DCAF8: variants seen among roughly 807,000 people sequenced by gnomAD.
The protein encoded by DCAF8 is DDB1- and CUL4-associated factor 8.
DCAF8 carries 20 observed loss-of-function variants against 68.0 expected under a neutral mutation model. The observed-to-expected ratio is 0.29, with a 90% CI of 0.21 to 0.43. The LOEUF (loss-of-function observed/expected upper bound fraction) is 0.43. DCAF8 is among the 20% of genes least tolerant of loss of function. The pLI, the probability that DCAF8 is intolerant of heterozygous loss-of-function variation, is 1.00. For missense variants in DCAF8, 460 were observed against 771.0 expected (o/e 0.60, Z 4.78); for synonymous variants, 230 against 276.9 (o/e 0.83, Z 1.68).
chr1:160,243,360 T>A (rs1053764991), intron 3 of DCAF8, among the ~76,000 whole-genome samples: 1 of 150,904 alleles, frequency 6.6e-6, no homozygotes, highest in Non-Finnish European at 1.5e-5. Context: ...AGGGGAAAGA[T>A]GTCCCACTCC....
chr1:160,224,022 A>G (rs1016840868), intron 10 of DCAF8, among the ~76,000 whole-genome samples: 1 of 152,096 alleles, frequency 6.6e-6, no homozygotes, highest in Admixed American at 6.6e-5. Context: ...AGTTACTACC[A>G]CCATTCCTCC....
chr1:160,255,614 T>C (rs1055539700), intron 2 of DCAF8, among the ~76,000 whole-genome samples: 1 of 152,132 alleles, frequency 6.6e-6, no homozygotes, highest in African/African-American at 2.4e-5. Context: ...GCTTTAATTA[T>C]TGTTTTTTTA....
At chr1:160,248,437 CTG>C (rs1392280016) in intron 2 of DCAF8, among the ~76,000 whole-genome samples, 1 of 152,060 alleles carries the variant, frequency 6.6e-6, no homozygotes, top group Non-Finnish European at 1.5e-5. Flanking sequence ...TCCTTTAAAA[CTG>C]TCGCAACAGG....
intron 1 of DCAF8, chr1:160,261,920 A>C (rs1417199167): frequency 6.2e-6 from 1 of 160,084 alleles, no homozygotes; most frequent in East Asian, 1.8e-4. Context: ...CCTTCCGTAC[A>C]AGGTGCTGGG....
At chr1:160,258,835 T>C (rs923658443) in intron 2 of DCAF8, among the ~76,000 whole-genome samples, 3 of 152,216 alleles carry the variant, frequency 2.0e-5, no homozygotes, top group African/African-American at 4.8e-5. Flanking sequence ...CATATAGATG[T>C]CACCTGGACA....
At chr1:160,224,389 G>T in intron 10 of DCAF8, 53 bp downstream of exon 10, 1 of 1,365,862 alleles carries the variant, frequency 7.3e-7, no homozygotes, top group Non-Finnish European at 1.0e-6. Context: ...AGACACTGTG[G>T]TTCTCCAAAG....
intron 3 of DCAF8, among the ~76,000 whole-genome samples, chr1:160,241,971 G>A (rs182689252): frequency 2.6e-4 from 39 of 152,290 alleles, no homozygotes; most frequent in Non-Finnish European, 4.4e-4. Context: ...GGCTGGGCGC[G>A]GTGGCTAACA....
intron 2 of DCAF8, among the ~76,000 whole-genome samples, chr1:160,246,331 C>A (rs531364198): frequency 6.6e-6 from 1 of 152,172 alleles, no homozygotes. Flanking sequence ...AGCATCAACT[C>A]CTACAGGAGC....
Position 160,228,610 on chromosome 1 carries a change from C to CTTT in DCAF8, c.1070+2684_1070+2686dup, listed in dbSNP as rs59684865. On this transcript the variant is annotated intron_variant, in intron 7 of 13. Coordinates refer to ENST00000368074, the MANE Select transcript of DCAF8 (RefSeq NM_015726.4). Reference sequence around the variant, plus strand: ...TCACACCTATACCTCCTCTACTTACCTTTTTTTTTTTTTTGGCCACAGGCC... The same window carrying CTTT: ...TCACACCTATACCTCCTCTACTTACCTTTTTTTTTTTTTTTTTGGCCACAGGCC... 4.5e-3 allele frequency among the ~76,000 whole-genome samples: 631 copies of CTTT among 140,992 alleles called. 9 individuals carry two copies. The highest frequency in any genetic ancestry group is 0.012 in the South Asian group (52 of 4,490). 92.5% of individuals were successfully genotyped at this position (140,992 alleles called of 152,430 possible). A position where few individuals can be genotyped will look rare whatever the true frequency, so the allele number is the denominator to read the frequency against.
chr1:160,255,418 A>AAT (rs1656797600), intron 2 of DCAF8, among the ~76,000 whole-genome samples: 1 of 151,898 alleles, frequency 6.6e-6, no homozygotes, highest in African/African-American at 2.4e-5. Flanking sequence ...ATAGGTATGT[A>AAT]CCACCACACC....
rs909341883 is a variant in DCAF8 at position 160,216,659 on chromosome 1, T to G, written c.*933A>C. 1 of 152,680 alleles carries G rather than the reference T, an allele frequency of 6.5e-6. No individual in the cohort carries two copies. The highest frequency in any genetic ancestry group is 2.4e-5 in the African/African-American group (1 of 41,470). 9.5% of individuals were successfully genotyped at this position (152,680 alleles called of 1,614,324 possible). ...TGTCACTTCCACACCATTACTCTTG[T>G]TCACTCTTAAGTCCCTTTATTGCAT... On this transcript the variant is annotated 3_prime_UTR_variant, in exon 14 of 14. Transcript: ENST00000368074.
chr1:160,240,694 G>A (rs1046247700), intron 3 of DCAF8, among the ~76,000 whole-genome samples: 10 of 152,156 alleles, frequency 6.6e-5, no homozygotes, highest in African/African-American at 2.4e-4. Flanking sequence ...ATCTACCATT[G>A]GCTCTGTTGT....
Position 160,231,330 on chromosome 1 carries a change from T to C in DCAF8, c.1037A>G (p.Gln346Arg). Residue 346 changes from glutamine to arginine, a missense_variant, in exon 7 of 14, where the codon CAG (glutamine) becomes CGG (arginine). This residue lies in a region of DCAF8 where 170 missense variants were observed against 318.2 expected (regional missense o/e 0.53). Transcript: ENST00000368074. ...CTGATCTCGTCCACCCACTGCAAAC[T>C]GGTGGGTATTGGCAGGATTCACATA... ...TIYVNPANTH[Q>R]FAVGGRDQFV... The C allele has an allele frequency of 6.2e-7, 1 of 1,614,080 alleles. No individual in the cohort carries two copies. The highest frequency in any genetic ancestry group is 8.5e-7 in the Non-Finnish European group (1 of 1,179,936).
At chr1:160,228,486 A>G (rs2101725108) in intron 7 of DCAF8, among the ~76,000 whole-genome samples, 1 of 152,282 alleles carries the variant, frequency 6.6e-6, no homozygotes, top group Non-Finnish European at 1.5e-5. Flanking sequence ...ATTTACCACT[A>G]AAGGATTCAC....
At chr1:160,243,843 C>A in intron 3 of DCAF8, 117 bp downstream of exon 3, 1 of 975,410 alleles carries the variant, frequency 1.0e-6, no homozygotes, top group Non-Finnish European at 1.6e-6. Flanking sequence ...AAACTCAGAA[C>A]AACACAGGAA....
chr1:160,261,142 A>G (rs1243517431), intron 2 of DCAF8, 143 bp downstream of exon 2: 1 of 152,254 alleles, frequency 6.6e-6, no homozygotes, highest in Non-Finnish European at 1.5e-5. Flanking sequence ...AAGTAATTCA[A>G]CCAGAGCTGG....
chr1:160,229,960 T>C (rs1389985569), intron 7 of DCAF8, among the ~76,000 whole-genome samples: 1 of 151,830 alleles, frequency 6.6e-6, no homozygotes, highest in African/African-American at 2.4e-5. Context: ...GAAGCGGAGG[T>C]TGCAGTGAGC....
intron 2 of DCAF8, among the ~76,000 whole-genome samples, chr1:160,253,934 C>A (rs1000250258): frequency 2.6e-5 from 4 of 152,146 alleles, no homozygotes; most frequent in African/African-American, 9.7e-5. Context: ...AACAGCTTTT[C>A]CCCTGGAATT....
At chr1:160,225,514 C>G (rs2101721204) in intron 8 of DCAF8, 77 bp downstream of exon 8, 1 of 1,167,908 alleles carries the variant, frequency 8.6e-7, no homozygotes, top group Non-Finnish European at 1.3e-6. Context: ...GCTCTTCCCA[C>G]CATACCAACA....
Sources: gnomAD v4.1 joint callset for allele counts (sites outside exome capture counted in the v4.1 genomes callset) on GRCh38, gnomAD v4.1.1 for gene constraint, gnomAD v4.1.1 regional missense constraint, MANE v1.5 for transcripts, NCBI Gene and HGNC (gene_info 2026-07-23, HGNC 2026-07-21) for gene names.